PKD2: variants seen among roughly 807,000 people sequenced by gnomAD.
PKD2 encodes polycystin 2, transient receptor potential cation channel, also known as polycystin-2.
A neutral mutation model predicts 105.9 loss-of-function variants in PKD2; 48 were observed. The observed-to-expected ratio is 0.45, with a 90% CI of 0.36 to 0.58. The LOEUF is 0.58. Among genes scored for constraint, PKD2 ranks in the 20% least tolerant of loss-of-function variants. The pLI is 0.00. For synonymous variants in PKD2, 464 were observed against 481.1 expected (o/e 0.96, Z 0.46); for missense variants, 1,078 against 1,255.3 (o/e 0.86, Z 2.13).
At chr4:88,054,005 T>C (rs528504091) in intron 7 of PKD2, among the ~76,000 whole-genome samples, 1 of 152,308 alleles carries the variant, frequency 6.6e-6, no homozygotes, top group Non-Finnish European at 1.5e-5. Context: ...TCAGAGCCTG[T>C]GCTGGTGAAA....
intron 2 of PKD2, among the ~76,000 whole-genome samples, chr4:88,031,059 A>T (rs1487359066): frequency 2.0e-5 from 3 of 152,166 alleles, no homozygotes; most frequent in African/African-American, 7.2e-5. Context: ...CCACACTTTC[A>T]ATTTTGAATT....
chr4:88,075,024 C>T (rs1721182022), intron 14 of PKD2, 65 bp downstream of exon 14: 3 of 1,549,396 alleles, frequency 1.9e-6, no homozygotes, highest in Admixed American at 3.3e-5. Flanking sequence ...ATATATGTTG[C>T]TGACAGTTGT....
chr4:88,029,664 G>A (rs569285483), intron 2 of PKD2, among the ~76,000 whole-genome samples: 14 of 152,168 alleles, frequency 9.2e-5, no homozygotes, highest in African/African-American at 3.4e-4. Flanking sequence ...CCTTAAGTTG[G>A]TCAGTAATTT....
At chr4:88,070,520 T>C (rs1301816446) in intron 13 of PKD2, among the ~76,000 whole-genome samples, 2 of 150,242 alleles carry the variant, frequency 1.3e-5, no homozygotes, top group Admixed American at 1.3e-4. Context: ...TTCTGTCAGC[T>C]TGCTTAAATC....
At chr4:88,027,314 CAG>C (rs1388269474) in intron 2 of PKD2, among the ~76,000 whole-genome samples, 16 of 152,304 alleles carry the variant, frequency 1.1e-4, no homozygotes, top group Admixed American at 3.9e-4. Context: ...AGCATGGAGA[CAG>C]GGGATCAAAG....
chr4:88,075,614 A>G lies in PKD2; in HGVS notation c.2827A>G (p.Ser943Gly), dbSNP rs1219724338. ...VGLNGQPRPR[S>G]SRPSSSQSTE... ...ACTAAATGGTCAACCTCGCCCCAGA[A>G]GCTCCCGCCCATCTTCCTCCCAATC... is the stretch of plus-strand genomic sequence containing the variant. The change falls in exon 15 of 15, where the codon AGC becomes GGC. Residue 943 changes from serine to glycine, a missense_variant. Transcript: ENST00000237596. The G allele has an allele frequency of 6.2e-7, 1 of 1,614,168 alleles. No homozygotes were observed. Among genetic ancestry groups the G allele is most frequent in the Non-Finnish European group, 8.5e-7 (1 of 1,180,026 alleles).
At chr4:88,040,012 G>A (rs563922663) in intron 4 of PKD2, among the ~76,000 whole-genome samples, 1 of 152,212 alleles carries the variant, frequency 6.6e-6, no homozygotes, top group East Asian at 1.9e-4. Context: ...TCACTAATAA[G>A]ATAAATTTAT....
chr4:88,074,214 T>C (rs1721141927), intron 13 of PKD2, among the ~76,000 whole-genome samples: 1 of 152,126 alleles, frequency 6.6e-6, no homozygotes, highest in Non-Finnish European at 1.5e-5. Context: ...GGTGGAATGA[T>C]CACGGCTCAC....
chr4:88,033,225 G>T lies in PKD2; in HGVS notation c.710-2995G>T, dbSNP rs558371604. Reference sequence around the variant, plus strand: ...GAGGATCACTTGAGCTCACAAGTTTGAGACCAGCCTGGGCAGCATGGCGAA... The same window carrying T: ...GAGGATCACTTGAGCTCACAAGTTTTAGACCAGCCTGGGCAGCATGGCGAA... On this transcript the variant is annotated intron_variant, in intron 2 of 14. Transcript: ENST00000237596. Among the ~76,000 whole-genome samples, 3 of 152,220 alleles carry T rather than the reference G, an allele frequency of 2.0e-5. No homozygotes were observed. In the South Asian group the frequency reaches 6.2e-4, roughly 32 times the overall value.
At chr4:88,011,879 T>C (rs1342440338) in intron 1 of PKD2, among the ~76,000 whole-genome samples, 1 of 80,550 alleles carries the variant, frequency 1.2e-5, no homozygotes, top group East Asian at 3.4e-4. Flanking sequence ...TTATCCTAAA[T>C]TACAGGTTTT....
In PKD2 at chr4:88,058,070, T is replaced by A. The variant is rs1720430304; in HGVS notation, c.1986T>A (p.Thr662=). 4 of 1,548,166 alleles carry A rather than the reference T, an allele frequency of 2.6e-6. No homozygotes were observed. The highest frequency in any genetic ancestry group is 3.6e-6 in the Non-Finnish European group (4 of 1,120,072). Residue 662 remains threonine, a synonymous_variant, in exon 9 of 15, where the codon ACT becomes ACA. Transcript: ENST00000237596. ...ANRVLGPIYF[T]TFVFFMFFIL... is the part of the protein sequence containing the mutation. Reference sequence around the variant, plus strand: ...GAGTTTTGGGACCAATTTATTTCACTACATTTGTGTTCTTTATGTTCTTCA... The same window carrying A: ...GAGTTTTGGGACCAATTTATTTCACAACATTTGTGTTCTTTATGTTCTTCA...
chr4:88,074,894 A>G lies in PKD2; in HGVS notation c.2605A>G (p.Ile869Val). Residue 869 changes from isoleucine to valine, a missense_variant, in exon 14 of 15, where the codon ATT becomes GTT. Ile to Val is a conservative substitution (Grantham distance 29). Transcript: ENST00000237596. ...TGACGCCGTGATCGTGAAGCTAGAG[A>G]TTATGGAGCGAGCCAAACTGAAGAG... ...KIDAVIVKLEIMERAKLKRRE... is the reference protein window; with the variant it reads ...KIDAVIVKLEVMERAKLKRRE... 1 of 1,614,160 alleles carries G rather than the reference A, an allele frequency of 6.2e-7. No individual in the cohort carries two copies.
At chr4:88,026,646 T>C (rs1336552369) in intron 2 of PKD2, among the ~76,000 whole-genome samples, 3 of 152,118 alleles carry the variant, frequency 2.0e-5, no homozygotes, top group African/African-American at 7.2e-5. Context: ...TGAATGTGAG[T>C]TGCCAAGACA....
intron 6 of PKD2, among the ~76,000 whole-genome samples, chr4:88,049,193 G>A (rs1191467705): frequency 1.3e-5 from 2 of 152,178 alleles, no homozygotes; most frequent in South Asian, 2.1e-4. Flanking sequence ...TTTGTAAATT[G>A]TGTGCCTACT....
rs750834747 is a variant in PKD2 at position 88,058,089 on chromosome 4, T to C, written c.2005T>C (p.Phe669Leu). The C allele has an allele frequency of 4.6e-6, 7 of 1,533,716 alleles. No individual in the cohort carries two copies. In the East Asian group the frequency reaches 1.1e-4, roughly 25 times the overall value. ...TTTCACTACATTTGTGTTCTTTATG[T>C]TCTTCATTCTTTTGGTATGTACATT... is the stretch of plus-strand genomic sequence containing the variant. ...IYFTTFVFFM[F>L]FILLNMFLAI... The change falls in exon 9 of 15, where the codon TTC becomes CTC. Residue 669 changes from phenylalanine to leucine, a missense_variant. Phe to Leu is a conservative substitution (Grantham distance 22). This residue lies in a region of PKD2 where 868 missense variants were observed against 1,067.3 expected (regional missense o/e 0.81). Transcript: ENST00000237596.
intron 6 of PKD2, among the ~76,000 whole-genome samples, chr4:88,047,491 G>A (rs1727821261): frequency 1.3e-5 from 2 of 152,110 alleles, no homozygotes; most frequent in African/African-American, 4.8e-5. Flanking sequence ...AGCCCAGGAG[G>A]CTGAGGCTGC....
At chr4:88,035,892 G>A (rs1199503164) in intron 2 of PKD2, among the ~76,000 whole-genome samples, 4 of 152,162 alleles carry the variant, frequency 2.6e-5, no homozygotes, top group Non-Finnish European at 1.5e-5. Flanking sequence ...GATCTGAGCC[G>A]AGAGGTGGTG....
intron 13 of PKD2, 115 bp from the exon 14 acceptor site, chr4:88,074,697 T>G: frequency 9.2e-7 from 1 of 1,088,334 alleles, no homozygotes; most frequent in East Asian, 2.4e-5. Flanking sequence ...TAGAAAGTGT[T>G]TCAAATGATT....
chr4:88,067,769 C>A, intron 12 of PKD2, 129 bp from the exon 13 acceptor site: 1 of 798,322 alleles, frequency 1.3e-6, no homozygotes, highest in Non-Finnish European at 2.1e-6. Flanking sequence ...GGAGTCCCAG[C>A]CTGGTGTTAA....
Sources: allele counts gnomAD v4.1 joint callset (sites outside exome capture counted in the v4.1 genomes callset), GRCh38; gene constraint gnomAD v4.1.1; regional missense constraint gnomAD v4.1.1; transcripts MANE v1.5; gene names NCBI Gene and HGNC (gene_info 2026-07-23, HGNC 2026-07-21).